JARID2: variants seen among roughly 807,000 people sequenced by gnomAD.
JARID2 encodes jumonji and AT-rich interaction domain containing 2, also known as protein Jumonji.
JARID2 carries 21 observed loss-of-function variants against 125.6 expected under a neutral mutation model. That is an observed-to-expected ratio of 0.17 (90% CI 0.12 to 0.24). The LOEUF (loss-of-function observed/expected upper bound fraction) is 0.24, where lower values mean the gene tolerates loss of function less well. Among genes scored for constraint, JARID2 ranks in the 10% least tolerant of loss-of-function variants. JARID2 has a pLI of 1.00. For synonymous variants in JARID2, 736 were observed against 661.6 expected, an observed-to-expected ratio of 1.11 and a Z score of -1.73; for missense variants, 1,303 against 1,639.6, an observed-to-expected ratio of 0.79 and a Z score of 3.55.
chr6:15,397,762 G>C (rs771752194), intron 2 of JARID2, among the ~76,000 whole-genome samples: 16 of 152,286 alleles, frequency 1.1e-4, no homozygotes, highest in South Asian at 2.1e-4. Context: ...TTGAACATTT[G>C]CATATCCAAG....
chr6:15,367,133 A>T (rs1409752747), intron 1 of JARID2, among the ~76,000 whole-genome samples: 2 of 152,084 alleles, frequency 1.3e-5, no homozygotes, highest in Admixed American at 6.5e-5. Context: ...TGACTTGACC[A>T]CTCTACCTGT....
At chr6:15,326,264 G>T (rs2127448447) in intron 1 of JARID2, among the ~76,000 whole-genome samples, 1 of 152,212 alleles carries the variant, frequency 6.6e-6, no homozygotes, top group East Asian at 1.9e-4. Context: ...GTTCAGTGGT[G>T]GTGCCATCAT....
chr6:15,437,834 T>A (rs569363693), intron 3 of JARID2, among the ~76,000 whole-genome samples: 419 of 151,080 alleles, frequency 2.8e-3, no homozygotes, highest in African/African-American at 9.5e-3. Context: ...ACCATCCTAA[T>A]GGGATGTGGG....
At chr6:15,300,518 G>C (rs1443809928) in intron 1 of JARID2, among the ~76,000 whole-genome samples, 1 of 152,072 alleles carries the variant, frequency 6.6e-6, no homozygotes, top group Non-Finnish European at 1.5e-5. Context: ...CGTAATTCAT[G>C]AGCTTGCAAG....
chr6:15,280,629 C>CTTT (rs11427786), intron 1 of JARID2, among the ~76,000 whole-genome samples: 2 of 136,744 alleles, frequency 1.5e-5, no homozygotes, highest in South Asian at 2.3e-4. Flanking sequence ...CCACACCCTG[C>CTTT]TTTTTTTTTT....
At chr6:15,433,487 C>T (rs1047314147) in intron 3 of JARID2, among the ~76,000 whole-genome samples, 3 of 149,348 alleles carry the variant, frequency 2.0e-5, no homozygotes, top group Non-Finnish European at 4.4e-5. Flanking sequence ...AGGTGGCGTG[C>T]ATCCTACCTA....
chr6:15,330,839 C>T (rs753842674), intron 1 of JARID2, among the ~76,000 whole-genome samples: 7 of 152,170 alleles, frequency 4.6e-5, no homozygotes, highest in Non-Finnish European at 1.0e-4. Flanking sequence ...GTCCTCCTTC[C>T]ATTCTTCACT....
At chr6:15,496,083 A>G in intron 6 of JARID2, 49 bp from the exon 7 acceptor site, 1 of 1,485,496 alleles carries the variant, frequency 6.7e-7, no homozygotes, top group Non-Finnish European at 9.2e-7. Context: ...TTTTAGTGGC[A>G]GGTACTAATT....
At chr6:15,440,205 T>C (rs748012252) in intron 3 of JARID2, among the ~76,000 whole-genome samples, 1 of 152,236 alleles carries the variant, frequency 6.6e-6, no homozygotes, top group Non-Finnish European at 1.5e-5. Flanking sequence ...ACTGCCGCTG[T>C]CTACATATGT....
chr6:15,415,614 CCCGGTCGGGGCGGCTGG>C (rs1766131392), intron 3 of JARID2, among the ~76,000 whole-genome samples: 1 of 148,470 alleles, frequency 6.7e-6, no homozygotes, highest in South Asian at 2.1e-4. Flanking sequence ...CCACCTCCCT[CCCGGTCGGGGCGGCTGG>C]CCGGGCGGGG....
At chr6:15,513,850 G>A (rs1194927676) in intron 16 of JARID2, among the ~76,000 whole-genome samples, 1 of 152,218 alleles carries the variant, frequency 6.6e-6, no homozygotes, top group Non-Finnish European at 1.5e-5. Flanking sequence ...CATGGCCTCT[G>A]CCCTTTGGCT....
intron 1 of JARID2, among the ~76,000 whole-genome samples, chr6:15,267,539 C>T (rs557185945): frequency 6.6e-6 from 1 of 152,290 alleles, no homozygotes; most frequent in Non-Finnish European, 1.5e-5. Context: ...TGTAGACAGA[C>T]TCTGAATGCT....
At chr6:15,478,961 G>A (rs1174636058) in intron 5 of JARID2, among the ~76,000 whole-genome samples, 3 of 152,150 alleles carry the variant, frequency 2.0e-5, no homozygotes, top group African/African-American at 7.2e-5. Context: ...CACCGTGCCC[G>A]GCCGGATTTA....
intron 1 of JARID2, among the ~76,000 whole-genome samples, chr6:15,251,162 C>T (rs1227970436): frequency 6.6e-6 from 1 of 152,106 alleles, no homozygotes; most frequent in African/African-American, 2.4e-5. Context: ...CAGGCACCCC[C>T]TATCATGTCC....
intron 1 of JARID2, among the ~76,000 whole-genome samples, chr6:15,253,576 G>A (rs561973229): frequency 1.6e-4 from 24 of 151,960 alleles, no homozygotes; most frequent in Admixed American, 4.6e-4. Flanking sequence ...TCATTCCTGC[G>A]TGAGCAGCGA....
In JARID2 at chr6:15,410,309, C is replaced by T. The variant is rs766300773; in HGVS notation, c.267C>T (p.Ser89=). The T allele has an allele frequency of 3.1e-6, 5 of 1,613,992 alleles. No individual in the cohort carries two copies. Among genetic ancestry groups the T allele is most frequent in the Non-Finnish European group, 3.4e-6 (4 of 1,180,010 alleles). Residue 89 remains serine, a synonymous_variant, in exon 3 of 18, where the codon TCC becomes TCT. Coordinates refer to ENST00000341776, the MANE Select transcript of JARID2 (RefSeq NM_004973.4). ...AAAAGGACGATGCATCCCAAGTGTC[C>T]TCCACTAGCAACGATGTTAGTTCTT... ...ENEKDDASQV[S]STSNDVSSSD...
intron 1 of JARID2, among the ~76,000 whole-genome samples, chr6:15,340,789 T>C (rs186464528): frequency 1.2e-3 from 187 of 152,254 alleles, no homozygotes; most frequent in African/African-American, 4.3e-3. Context: ...GTGGGAAAAA[T>C]GTGAGTGTGA....
At chr6:15,420,213 G>A (rs1766420864) in intron 3 of JARID2, among the ~76,000 whole-genome samples, 1 of 152,102 alleles carries the variant, frequency 6.6e-6, no homozygotes, top group African/African-American at 2.4e-5. Context: ...GACCTTCCTG[G>A]CCAACATGGT....
intron 4 of JARID2, among the ~76,000 whole-genome samples, chr6:15,466,302 A>T (rs902323098): frequency 6.6e-6 from 1 of 152,230 alleles, no homozygotes; most frequent in African/African-American, 2.4e-5. Context: ...TATTAGAAAG[A>T]TCTACACAAG....
Sources: allele counts gnomAD v4.1 joint callset (sites outside exome capture counted in the v4.1 genomes callset), GRCh38; gene constraint gnomAD v4.1.1; transcripts MANE v1.5; gene names NCBI Gene and HGNC (gene_info 2026-07-23, HGNC 2026-07-21).